HECTD4: variants seen among roughly 807,000 people sequenced by gnomAD.
HECTD4 encodes the protein HECT domain E3 ubiquitin protein ligase 4, also known as probable E3 ubiquitin-protein ligase HECTD4.
A neutral mutation model predicts 471.5 loss-of-function variants in HECTD4; 114 were observed. The ratio of observed to expected loss-of-function variants is 0.24; its 90% CI spans 0.21 to 0.28. The LOEUF (loss-of-function observed/expected upper bound fraction) is 0.28. Ranked by LOEUF, HECTD4 falls within the 10% of genes least tolerant of loss-of-function variation. The pLI is 1.00. For synonymous variants in HECTD4, 2,012 were observed against 2,256.0 expected (o/e 0.89, Z 3.07); for missense variants, 3,866 against 5,651.5 (o/e 0.68, Z 10.13).
chr12:112,353,450 T>C lies in HECTD4; in HGVS notation c.177+28502A>G, dbSNP rs1191401250. Among the ~76,000 whole-genome samples the C allele has an allele frequency of 3.9e-5, 6 of 152,240 alleles. No individual in the cohort carries two copies. In the East Asian group the frequency reaches 1.2e-3, roughly 29 times the overall value. ...GAAGAACATATATTACTAAAAAAAG[T>C]CAGCTTCGTATTGTCTTTTATATTT... On this transcript the variant is annotated intron_variant, in intron 1 of 75. Coordinates refer to ENST00000682272, the MANE Select transcript of HECTD4 (RefSeq NM_001388303.1).
intron 60 of HECTD4, among the ~76,000 whole-genome samples, chr12:112,190,411 T>C (rs2032038790): frequency 6.6e-6 from 1 of 152,230 alleles, no homozygotes; most frequent in Non-Finnish European, 1.5e-5. Flanking sequence ...TTTTTGACCC[T>C]TTGAGGAACT....
chr12:112,162,149 A>C lies in HECTD4; in HGVS notation c.*238T>G. ...CAAATTAGACACAAACTGTCTGGGA[A>C]CTAAACTATCCTACAAATAGACCAC... On this transcript the variant is annotated 3_prime_UTR_variant, in exon 76 of 76. Transcript: ENST00000682272. The surrounding 1 kb of genome is among the most constrained non-coding windows in gnomAD (Gnocchi z 5.2). The C allele has an allele frequency of 4.1e-6, 2 of 492,470 alleles. No individual in the cohort carries two copies. Among genetic ancestry groups the C allele is most frequent in the East Asian group, 6.8e-5 (2 of 29,500 alleles). The allele number at this position is 492,470 out of a possible 1,614,324, so 30.5% of individuals were successfully genotyped here.
chr12:112,221,813 G>A (rs1206797506), intron 44 of HECTD4, among the ~76,000 whole-genome samples: 1 of 151,208 alleles, frequency 6.6e-6, no homozygotes, highest in East Asian at 1.9e-4. Context: ...GGAGTGCAAC[G>A]GCATGATCTC....
At chr12:112,220,260 T>C (rs935238827) in intron 44 of HECTD4, among the ~76,000 whole-genome samples, 1 of 152,106 alleles carries the variant, frequency 6.6e-6, no homozygotes, top group African/African-American at 2.4e-5. Flanking sequence ...GCACCTGCTA[T>C]GAGCAAGGCA....
chr12:112,364,997 AT>A (rs1311170245), intron 1 of HECTD4, among the ~76,000 whole-genome samples: 11 of 152,202 alleles, frequency 7.2e-5, no homozygotes, highest in Non-Finnish European at 1.3e-4. Context: ...AAATAGGCTG[AT>A]TATGTTCCAA....
At chr12:112,268,868 GTTTTTTTT>G (rs561805261) in intron 13 of HECTD4, among the ~76,000 whole-genome samples, 2 of 65,808 alleles carry the variant, frequency 3.0e-5, no homozygotes, top group Admixed American at 2.4e-4. Flanking sequence ...GTCTGAAAAG[GTTTTTTTT>G]TTTTTTTTTT....
intron 3 of HECTD4, 100 bp from the exon 4 acceptor site, chr12:112,313,247 C>A: frequency 1.3e-6 from 1 of 770,104 alleles, no homozygotes; most frequent in Non-Finnish European, 1.9e-6. Context: ...AATTTTAAAA[C>A]TAAGATGTAT....
intron 1 of HECTD4, among the ~76,000 whole-genome samples, chr12:112,320,050 T>C (rs1243837818): frequency 6.6e-6 from 1 of 152,024 alleles, no homozygotes; most frequent in Non-Finnish European, 1.5e-5. Context: ...AATTGAAGTA[T>C]AAAGCCAGGC....
intron 9 of HECTD4, among the ~76,000 whole-genome samples, chr12:112,275,979 C>T (rs2034518220): frequency 6.6e-6 from 1 of 152,162 alleles, no homozygotes; most frequent in South Asian, 2.1e-4. Context: ...TACCCCACTC[C>T]ACAATGAGCC....
Position 112,228,269 on chromosome 12 carries a change from TG to T in HECTD4, c.6685-12del, listed in dbSNP as rs777201001. 8 of 1,556,476 alleles carry T rather than the reference TG, an allele frequency of 5.1e-6. No individual in the cohort carries two copies. The Admixed American group carries it at 6.1e-5, about 12-fold the overall frequency. ...ATGAAGAGGCAATGCCTGATGGCGG[TG>T]GGGGGGCATGGCAAAAAGTTAAATT... On this transcript the variant is annotated splice_polypyrimidine_tract_variant and intron_variant, in intron 42 of 75. Coordinates refer to ENST00000682272, the MANE Select transcript of HECTD4 (RefSeq NM_001388303.1). This position sits in a 1 kb window ranked among gnomAD's most constrained non-coding sequence, Gnocchi z 4.9.
At chr12:112,293,194 C>T (rs1212546500) in intron 7 of HECTD4, among the ~76,000 whole-genome samples, 13 of 151,394 alleles carry the variant, frequency 8.6e-5, no homozygotes, top group South Asian at 2.1e-4. Flanking sequence ...GGTGAAACCC[C>T]GTCTCTACTA....
At chr12:112,288,894 T>C (rs1028080079) in intron 7 of HECTD4, among the ~76,000 whole-genome samples, 1 of 152,210 alleles carries the variant, frequency 6.6e-6, no homozygotes, top group Non-Finnish European at 1.5e-5. Flanking sequence ...CATCAACCTA[T>C]ACATCATTGT....
chr12:112,325,206 G>T (rs1327887490), intron 1 of HECTD4, among the ~76,000 whole-genome samples: 2 of 152,000 alleles, frequency 1.3e-5, no homozygotes, highest in African/African-American at 4.8e-5. Context: ...ATTTTTACAA[G>T]TACTCCAGTT....
At chr12:112,170,999 G>T in intron 68 of HECTD4, 118 bp downstream of exon 68, 1 of 780,900 alleles carries the variant, frequency 1.3e-6, no homozygotes, top group Non-Finnish European at 2.0e-6. Context: ...GAAAGGTTGA[G>T]GTGGGGTGGC....
Position 112,190,860 on chromosome 12 carries a change from T to C in HECTD4, c.9398A>G (p.Asp3133Gly), listed in dbSNP as rs2137037115. The stretch of plus-strand genomic sequence containing the variant: ...CTCATCTTCGGACTTCCCTTCACTG[T>C]CCTCTGATTTCCAGGACAGCAGCTG... ...AEQLLSWKSE[D>G]SEGKSEDEPD... The change falls in exon 60 of 76, where the codon GAC becomes GGC. Residue 3133 changes from aspartate (D) to glycine (G), a missense_variant. Around this residue, in one of 16 missense-constraint regions of HECTD4, gnomAD observed 364 missense variants for 413.2 expected, o/e 0.88. Coordinates refer to ENST00000682272, the MANE Select transcript of HECTD4 (RefSeq NM_001388303.1). 1 of 1,582,334 alleles carries C rather than the reference T, an allele frequency of 6.3e-7. No individual in the cohort carries two copies. The highest frequency in any genetic ancestry group is 1.8e-5 in the Admixed American group (1 of 55,556).
chr12:112,248,816 C>T (rs2033814858), intron 25 of HECTD4, among the ~76,000 whole-genome samples: 1 of 152,200 alleles, frequency 6.6e-6, no homozygotes, highest in African/African-American at 2.4e-5. Context: ...AACTCCTGGG[C>T]TCAAGCGATT....
At chr12:112,214,407 G>A (rs981245147) in intron 48 of HECTD4, among the ~76,000 whole-genome samples, 1 of 152,180 alleles carries the variant, frequency 6.6e-6, no homozygotes, top group Non-Finnish European at 1.5e-5. Context: ...CCCAGTGGCT[G>A]GGGACTTGTC....
chr12:112,255,716 C>T (rs1469530415), intron 21 of HECTD4, among the ~76,000 whole-genome samples: 1 of 152,118 alleles, frequency 6.6e-6, no homozygotes, highest in Non-Finnish European at 1.5e-5. Flanking sequence ...ATTAGCCTTT[C>T]CCCCTAAGAC....
intron 60 of HECTD4, 75 bp from the exon 61 acceptor site, chr12:112,185,568 A>C (rs993968045): frequency 3.7e-5 from 43 of 1,150,152 alleles, no homozygotes; most frequent in Non-Finnish European, 5.1e-5. Flanking sequence ...CTGAGCCTGG[A>C]ATCAACCCTC....
Sources: allele counts gnomAD v4.1 joint callset (sites outside exome capture counted in the v4.1 genomes callset), GRCh38; gene constraint gnomAD v4.1.1; regional missense constraint gnomAD v4.1.1; non-coding constraint Gnocchi (gnomAD v3.1); transcripts MANE v1.5; gene names NCBI Gene and HGNC (gene_info 2026-07-23, HGNC 2026-07-21).